Variants in VAPA observed in about 807,000 individuals in gnomAD.
VAPA encodes vesicle-associated membrane protein-associated protein A.
A neutral mutation model predicts 25.6 loss-of-function variants in VAPA; 6 were observed. The observed-to-expected ratio is 0.23, with a 90% CI of 0.13 to 0.46. The LOEUF (loss-of-function observed/expected upper bound fraction) is 0.46. VAPA is among the 20% of genes least tolerant of loss of function. The probability of loss-of-function intolerance (pLI) is 0.99; values close to 1 mark genes in which losing one functional copy is unlikely to be tolerated. For missense variants in VAPA, 244 were observed against 302.1 expected (o/e 0.81, Z 1.43); for synonymous variants, 112 against 106.2 (o/e 1.05, Z -0.34).
chr18:9,924,091 T>A (rs2069180082), intron 1 of VAPA: 1 of 152,182 alleles, frequency 6.6e-6, no homozygotes, highest in African/African-American at 2.4e-5. Context: ...CTGTGTATAA[T>A]TATATATTTG....
intron 2 of VAPA, among the ~76,000 whole-genome samples, chr18:9,935,220 C>A (rs1271171059): frequency 6.6e-6 from 1 of 151,490 alleles, no homozygotes; most frequent in Non-Finnish European, 1.5e-5. Flanking sequence ...TAAATAAATT[C>A]ATAAACTCTG....
At chr18:9,939,907 G>A (rs930248281) in intron 4 of VAPA, among the ~76,000 whole-genome samples, 1 of 152,106 alleles carries the variant, frequency 6.6e-6, no homozygotes, top group Non-Finnish European at 1.5e-5. Context: ...TATGACCTAG[G>A]TCTGTTAGTA....
chr18:9,929,107 T>C (rs1050825903), intron 1 of VAPA, among the ~76,000 whole-genome samples: 6 of 152,194 alleles, frequency 3.9e-5, no homozygotes, highest in African/African-American at 1.4e-4. Flanking sequence ...TCAGTAATAG[T>C]GAACTCACCT....
At chr18:9,950,623 A>T in intron 5 of VAPA, 55 bp downstream of exon 5, 1 of 1,562,726 alleles carries the variant, frequency 6.4e-7, no homozygotes, top group Non-Finnish European at 8.6e-7. Flanking sequence ...AGGACATGTG[A>T]GTGTTATTAG....
intron 1 of VAPA, among the ~76,000 whole-genome samples, chr18:9,929,381 C>T (rs556972504): frequency 5.3e-5 from 8 of 152,068 alleles, no homozygotes; most frequent in Non-Finnish European, 1.5e-5. Context: ...AATATAACTT[C>T]TCTTTTTTGA....
intron 2 of VAPA, among the ~76,000 whole-genome samples, chr18:9,932,388 A>G (rs936014021): frequency 6.6e-6 from 1 of 152,216 alleles, no homozygotes; most frequent in Non-Finnish European, 1.5e-5. Context: ...ACTGTGTCAA[A>G]TCAGATGAGT....
intron 1 of VAPA, among the ~76,000 whole-genome samples, chr18:9,930,584 C>T (rs923312964): frequency 6.6e-6 from 1 of 151,732 alleles, no homozygotes; most frequent in Non-Finnish European, 1.5e-5. Context: ...AATGGAAGCT[C>T]TTGGGGTTGA....
Position 9,914,224 on chromosome 18 carries a change from G to A in VAPA, c.-33G>A. On this transcript the variant is annotated 5_prime_UTR_variant, in exon 1 of 6. Coordinates refer to ENST00000400000, the MANE Select transcript of VAPA (RefSeq NM_194434.3). ...CGCCCCCAGTCAGCAAACCGCCGCC[G>A]CGGGCGCGCCCCCGCTCTGCGCTGT... 1.3e-6 allele frequency: 2 copies of A among 1,560,904 alleles called. No individual in the cohort carries two copies. Among genetic ancestry groups the A allele is most frequent in the Non-Finnish European group, 1.7e-6 (2 of 1,155,798 alleles).
At position 9,956,220 on chromosome 18, in the gene VAPA, GGAA is replaced by G. The variant is rs1380489254; in HGVS notation, c.*2010_*2012del. Reference sequence around the variant, plus strand: ...CTCACAGGTAGGTAGAGGCAGAGCTGGAACTAGATATCTGGTCTGTTGACTCTA... The same window carrying G: ...CTCACAGGTAGGTAGAGGCAGAGCTGCTAGATATCTGGTCTGTTGACTCTA... On this transcript the variant is annotated 3_prime_UTR_variant, in exon 6 of 6. Transcript: ENST00000400000. 1 of 152,132 alleles carries G rather than the reference GGAA, an allele frequency of 6.6e-6. No homozygotes were observed. Among genetic ancestry groups the G allele is most frequent in the Non-Finnish European group, 1.5e-5 (1 of 68,032 alleles). The allele number at this position is 152,132 out of a possible 1,614,324, so 9.4% of individuals were successfully genotyped here.
intron 4 of VAPA, among the ~76,000 whole-genome samples, chr18:9,945,732 TA>T (rs906181638): frequency 6.0e-4 from 91 of 152,342 alleles, no homozygotes; most frequent in African/African-American, 2.1e-3. Flanking sequence ...ACTAAGGCTT[TA>T]AAAAATTATC....
At chr18:9,937,556 T>C (rs2069324050) in intron 4 of VAPA, among the ~76,000 whole-genome samples, 1 of 152,196 alleles carries the variant, frequency 6.6e-6, no homozygotes, top group Non-Finnish European at 1.5e-5. Flanking sequence ...ATTATGTTGC[T>C]TACTCATTAG....
intron 1 of VAPA, among the ~76,000 whole-genome samples, chr18:9,919,285 C>T (rs1267173260): frequency 1.3e-5 from 2 of 152,112 alleles, no homozygotes; most frequent in South Asian, 2.1e-4. Flanking sequence ...ATCCCTTTGT[C>T]CACTTCAATG....
intron 3 of VAPA, chr18:9,936,516 T>C (rs1007959275): frequency 4.5e-6 from 1 of 221,342 alleles, no homozygotes; most frequent in Non-Finnish European, 8.7e-6. Flanking sequence ...CGAGACCAGC[T>C]CAGGCGACAT....
chr18:9,923,837 A>G (rs530511549), intron 1 of VAPA: 7 of 152,364 alleles, frequency 4.6e-5, no homozygotes, highest in Non-Finnish European at 8.8e-5. Context: ...TTAAGCTACT[A>G]TGGGTACATG....
intron 5 of VAPA, 42 bp downstream of exon 5, chr18:9,950,610 T>C (rs1353946471): frequency 6.3e-7 from 1 of 1,594,356 alleles, no homozygotes; most frequent in Non-Finnish European, 8.5e-7. Context: ...GAAATGAAGG[T>C]ATAGGACATG....
At position 9,914,970 on chromosome 18, in the gene VAPA, T is replaced by C. The variant is rs571679657; in HGVS notation, c.79+635T>C. The C allele has an allele frequency of 1.3e-4, 20 of 151,714 alleles. No individual in the cohort carries two copies. In the East Asian group the frequency reaches 3.5e-3, roughly 27 times the overall value. The allele number at this position is 151,714 out of a possible 1,614,324, so 9.4% of individuals were successfully genotyped here. A position where few individuals can be genotyped will look rare whatever the true frequency, so the allele number is the denominator to read the frequency against. ...TCGCTTGTCACCTTTCCGCCAGGTT[T>C]AGAACTCGGCCGTCAGGTGTAGGAC... On this transcript the variant is annotated intron_variant, in intron 1 of 5. Transcript: ENST00000400000.
intron 4 of VAPA, among the ~76,000 whole-genome samples, chr18:9,939,038 C>T (rs1056403005): frequency 3.9e-5 from 6 of 152,130 alleles, no homozygotes; most frequent in African/African-American, 1.4e-4. Context: ...AATACTGTTA[C>T]TATGCCTTTA....
At position 9,958,210 on chromosome 18, in the gene VAPA, T is replaced by A. The variant is rs2069570376; in HGVS notation, c.*3999T>A. 1 of 152,264 alleles carries A rather than the reference T, an allele frequency of 6.6e-6. No individual in the cohort carries two copies. The highest frequency in any genetic ancestry group is 6.5e-5 in the Admixed American group (1 of 15,284). 9.4% of individuals were successfully genotyped at this position (152,264 alleles called of 1,614,324 possible). A position where few individuals can be genotyped will look rare whatever the true frequency, so the allele number is the denominator to read the frequency against. On this transcript the variant is annotated 3_prime_UTR_variant, in exon 6 of 6. Coordinates refer to ENST00000400000, the MANE Select transcript of VAPA (RefSeq NM_194434.3). ...TTTTTTTCCAGCTTAATTTCTGTGG[T>A]TTATTGAAAACCAAGTATAAATGTG... is the stretch of plus-strand genomic sequence containing the variant.
intron 3 of VAPA, 105 bp from the exon 4 acceptor site, chr18:9,936,881 G>A (rs574687456): frequency 3.3e-6 from 3 of 903,450 alleles, no homozygotes; most frequent in Admixed American, 2.2e-5. Flanking sequence ...GTGTGTTTCA[G>A]CCAAGCCAGG....
Sources: gnomAD v4.1 joint callset for allele counts (sites outside exome capture counted in the v4.1 genomes callset) on GRCh38, gnomAD v4.1.1 for gene constraint, MANE v1.5 for transcripts, NCBI Gene and HGNC (gene_info 2026-07-23, HGNC 2026-07-21) for gene names.